The following DOCK6 variants were observed in gnomAD, a reference collection of about 807,000 sequenced individuals.
DOCK6 encodes the protein dedicator of cytokinesis protein 6.
A neutral mutation model predicts 230.3 loss-of-function variants in DOCK6; 167 were observed. The observed-to-expected ratio is 0.73, with a 90% CI of 0.64 to 0.82. DOCK6 has a LOEUF of 0.82. Ranked by LOEUF, DOCK6 falls within the 40% of genes least tolerant of loss-of-function variation. The pLI, the probability that DOCK6 is intolerant of heterozygous loss-of-function variation, is 0.00. For synonymous variants in DOCK6, 1,148 were observed against 1,185.0 expected, an observed-to-expected ratio of 0.97 and a Z score of 0.64; for missense variants, 2,598 against 2,825.8, an observed-to-expected ratio of 0.92 and a Z score of 1.83.
intron 9 of DOCK6, among the ~76,000 whole-genome samples, chr19:11,244,451 CTT>C (rs56722117): frequency 8.2e-4 from 33 of 40,256 alleles, no homozygotes; most frequent in African/African-American, 3.9e-3. Flanking sequence ...CCACACCTGG[CTT>C]TTTTTTTTTT....
At chr19:11,203,138 C>T (rs1215241267) in intron 41 of DOCK6, 1 of 218,310 alleles carries the variant, frequency 4.6e-6, no homozygotes, top group African/African-American at 2.3e-5. Flanking sequence ...CACTCTAGGA[C>T]AGTGGCTCTG....
rs201744284 is a variant in DOCK6, at chr19:11,221,839, T to G, written c.3550+12A>C. The G allele has an allele frequency of 3.7e-6, 6 of 1,613,662 alleles. No individual in the cohort carries two copies. In the Admixed American group the frequency reaches 1.0e-4, roughly 27 times the overall value. On this transcript the variant is annotated intron_variant, in intron 28 of 47. Coordinates refer to ENST00000294618, the MANE Select transcript of DOCK6 (RefSeq NM_020812.4). Reference sequence around the variant, plus strand: ...TGGATCATGTGACCCCATCTTCCCCTGGCCCACTGACCAGCAAAGTCATGC... The same window carrying G: ...TGGATCATGTGACCCCATCTTCCCCGGGCCCACTGACCAGCAAAGTCATGC...
In DOCK6 at chr19:11,200,223, T is replaced by C; in HGVS notation, c.6101+85A>G. 1 of 1,401,052 alleles carries C rather than the reference T, an allele frequency of 7.1e-7. No individual in the cohort carries two copies. The highest frequency in any genetic ancestry group is 2.6e-4 in the Middle Eastern group (1 of 3,850). 86.8% of individuals were successfully genotyped at this position (1,401,052 alleles called of 1,614,324 possible). A position where few individuals can be genotyped will look rare whatever the true frequency, so the allele number is the denominator to read the frequency against. ...CAGCAAACATGTTGCTGTGTATGTG[T>C]ACAACAGCCCCCATCCTGTACCTGT... On this transcript the variant is annotated intron_variant, in intron 47 of 47. Transcript: ENST00000294618. The surrounding 1 kb of genome is among the most constrained non-coding windows in gnomAD (Gnocchi z 4.3).
chr19:11,212,334 C>T (rs1390830538), intron 35 of DOCK6, among the ~76,000 whole-genome samples, 183 bp from the exon 36 acceptor site: 4 of 151,964 alleles, frequency 2.6e-5, no homozygotes, highest in African/African-American at 7.3e-5. Flanking sequence ...CTCCATCTCC[C>T]GAGTTCAGGC....
Position 11,200,572 on chromosome 19 carries a change from A to G in DOCK6, c.5940-103T>C. ...AAGGCGGGACCAGGCCTGCAGAAAG[A>G]CCCGCAATAGGAGGTCAGGTTGGGA... On this transcript the variant is annotated intron_variant, in intron 46 of 47. Transcript: ENST00000294618. The surrounding 1 kb of genome is among the most constrained non-coding windows in gnomAD (Gnocchi z 4.3). 1 of 1,527,256 alleles carries G rather than the reference A, an allele frequency of 6.5e-7. No individual in the cohort carries two copies. Among genetic ancestry groups the G allele is most frequent in the East Asian group, 2.4e-5 (1 of 41,096 alleles). 94.6% of individuals were successfully genotyped at this position (1,527,256 alleles called of 1,614,324 possible).
intron 20 of DOCK6, 118 bp from the exon 21 acceptor site, chr19:11,235,877 A>ATTTT (rs56665433): frequency 1.7e-4 from 153 of 885,732 alleles, no homozygotes; most frequent in Admixed American, 3.6e-4. Context: ...GGGGTCACAA[A>ATTTT]TTTTTTTTTT....
chr19:11,229,026 C>T lies in DOCK6; in HGVS notation c.2728G>A (p.Glu910Lys), dbSNP rs1234078249. The T allele has an allele frequency of 1.9e-5, 31 of 1,613,426 alleles. No individual in the cohort carries two copies. Among genetic ancestry groups the T allele is most frequent in the Non-Finnish European group, 2.4e-5 (28 of 1,179,716 alleles). The part of the protein sequence containing the change: ...SRILASKLLH[E>K]ELALQWVVSS... ...ACCACCCACTGCAGAGCCAGCTCCT[C>T]GTGAAGCAGCTGGGGACAGAGGCAG... is the stretch of plus-strand genomic sequence containing the variant. The change falls in exon 23 of 48, where the codon GAG becomes AAG. Residue 910 changes from glutamate (E) to lysine (K), a missense_variant. Glu to Lys is a moderately conservative substitution (Grantham distance 56). Transcript: ENST00000294618.
intron 2 of DOCK6, 119 bp from the exon 3 acceptor site, chr19:11,253,077 A>T (rs1262718739): frequency 7.0e-6 from 7 of 993,748 alleles, no homozygotes; most frequent in Non-Finnish European, 1.0e-5. Context: ...GGAGCCATGG[A>T]GGGTGTTGGA....
chr19:11,241,579 G>A (rs957168765), intron 14 of DOCK6: 9 of 1,554,952 alleles, frequency 5.8e-6, no homozygotes, highest in Non-Finnish European at 7.8e-6. Context: ...GGTTTGGCAG[G>A]CAGGGCAGTT....
At position 11,243,569 on chromosome 19, in the gene DOCK6, C is replaced by CAA; in HGVS notation, c.1245_1246insTT (p.Asp416LeufsTer40). 1 of 1,605,046 alleles carries CAA rather than the reference C, an allele frequency of 6.2e-7. No homozygotes were observed. Among genetic ancestry groups the CAA allele is most frequent in the Non-Finnish European group, 8.5e-7 (1 of 1,176,796 alleles). ...CCCGCCTCCTCACCGCCCTCCGAGT[C>CAA]AGAGTCCCGGTCCAGCTGCCCAGCG... On this transcript the variant is annotated frameshift_variant, in exon 11 of 48. Transcript: ENST00000294618. LOFTEE classifies it high-confidence loss of function. The surrounding 1 kb of genome is among the most constrained non-coding windows in gnomAD (Gnocchi z 6.3).
chr19:11,246,427 T>A (rs1043007020), intron 7 of DOCK6, among the ~76,000 whole-genome samples: 2 of 152,086 alleles, frequency 1.3e-5, no homozygotes, highest in East Asian at 3.9e-4. Flanking sequence ...TTTTTTATTT[T>A]ATTTTTTTAG....
At position 11,227,384 on chromosome 19, in the gene DOCK6, C is replaced by T. The variant is rs1250517717; in HGVS notation, c.2908G>A (p.Ala970Thr). 1 of 1,613,864 alleles carries T rather than the reference C, an allele frequency of 6.2e-7. No homozygotes were observed. The highest frequency in any genetic ancestry group is 2.2e-5 in the East Asian group (1 of 44,884). ...TCCAGGCCCACAGAGCCCACCAAGG[C>T]AGTGATGTCGTCCAGGAAGCGTCCG... Reference protein sequence around the residue: ...FPGRFLDDITALVGSVGLEVI... With the variant: ...FPGRFLDDITTLVGSVGLEVI... Residue 970 changes from alanine to threonine, a missense_variant, in exon 24 of 48, where the codon GCC (alanine) becomes ACC (threonine). Ala to Thr is a moderately conservative substitution (Grantham distance 58, BLOSUM62 0). Transcript: ENST00000294618.
At chr19:11,204,415 T>G in intron 39 of DOCK6, 84 bp from the exon 40 acceptor site, 1 of 1,535,450 alleles carries the variant, frequency 6.5e-7, no homozygotes, top group Non-Finnish European at 8.8e-7. Context: ...CTTGTGAGCC[T>G]CCGTGCTCCT....
intron 6 of DOCK6, 101 bp downstream of exon 6, chr19:11,250,773 T>G (rs2080104706): frequency 8.6e-7 from 1 of 1,165,318 alleles, no homozygotes; most frequent in Non-Finnish European, 1.2e-6. Flanking sequence ...TACAGGTGTA[T>G]ATAGTAGATG....
intron 39 of DOCK6, chr19:11,208,203 A>G (rs1040376023): frequency 3.2e-5 from 5 of 153,976 alleles, no homozygotes; most frequent in Admixed American, 6.4e-5. Context: ...AAGGCTTGCT[A>G]TATCAGGCCT....
Position 11,200,610 on chromosome 19 carries a change from T to G in DOCK6, c.5939+106A>C. ...GGTCAGGTTGGGAGAGTGGACTTAA[T>G]GGGAATCGGGCAGATGGGGGAGCCA... is the stretch of plus-strand genomic sequence containing the variant. On this transcript the variant is annotated intron_variant, in intron 46 of 47. Transcript: ENST00000294618. The surrounding 1 kb of genome is among the most constrained non-coding windows in gnomAD (Gnocchi z 4.3). 1 of 1,496,394 alleles carries G rather than the reference T, an allele frequency of 6.7e-7. No homozygotes were observed. The highest frequency in any genetic ancestry group is 1.4e-5 in the African/African-American group (1 of 72,174). 92.7% of individuals were successfully genotyped at this position (1,496,394 alleles called of 1,614,324 possible). A position where few individuals can be genotyped will look rare whatever the true frequency, so the allele number is the denominator to read the frequency against.
intron 9 of DOCK6, among the ~76,000 whole-genome samples, chr19:11,244,748 C>T (rs572807229): frequency 1.7e-4 from 26 of 152,006 alleles, no homozygotes; most frequent in Admixed American, 8.5e-4. Flanking sequence ...CGTGAGCCAC[C>T]GCGCCCAGCC....
intron 30 of DOCK6, 71 bp from the exon 31 acceptor site, chr19:11,215,998 C>T (rs1412105205): frequency 6.3e-7 from 1 of 1,583,022 alleles, no homozygotes; most frequent in African/African-American, 1.4e-5. Context: ...TGGCCCCATC[C>T]CTTTCTTTGT....
intron 14 of DOCK6, chr19:11,241,708 G>T: frequency 4.4e-6 from 7 of 1,578,420 alleles, no homozygotes; most frequent in Non-Finnish European, 6.0e-6. Flanking sequence ...ATGGAACTGA[G>T]GACCAATCAT....
Sources: allele counts gnomAD v4.1 joint callset (sites outside exome capture counted in the v4.1 genomes callset), GRCh38; gene constraint gnomAD v4.1.1; non-coding constraint Gnocchi (gnomAD v3.1); transcripts MANE v1.5; gene names NCBI Gene and HGNC (gene_info 2026-07-23, HGNC 2026-07-21).